TBCE: variants seen among roughly 807,000 people sequenced by gnomAD.
TBCE encodes tubulin folding cofactor E.
A neutral mutation model predicts 77.0 loss-of-function variants in TBCE; 53 were observed. The observed-to-expected ratio is 0.69, with a 90% CI of 0.55 to 0.87. The LOEUF is 0.87. Ranked by LOEUF, TBCE falls within the 40% of genes least tolerant of loss-of-function variation. The probability of loss-of-function intolerance (pLI) is 0.00; values close to 1 mark genes in which losing one functional copy is unlikely to be tolerated. For missense variants in TBCE, 624 were observed against 622.4 expected (o/e 1.00, Z -0.03); for synonymous variants, 235 against 241.3 (o/e 0.97, Z 0.24).
chr1:235,434,096 G>A, intron 7 of TBCE, 108 bp from the exon 8 acceptor site: 1 of 973,548 alleles, frequency 1.0e-6, no homozygotes, highest in South Asian at 1.3e-5. Context: ...TGAGGCACTT[G>A]TTTGCTGAAA....
At chr1:235,396,063 C>CA (rs1553333399) in intron 2 of TBCE, among the ~76,000 whole-genome samples, 2 of 150,646 alleles carry the variant, frequency 1.3e-5, no homozygotes, top group Non-Finnish European at 3.0e-5. Flanking sequence ...TTTTCTTTTT[C>CA]TTTTTTTTTC....
In TBCE at chr1:235,386,704, A is replaced by G. The variant is rs1422244034; in HGVS notation, c.100+6555A>G. 1.3e-5 allele frequency among the ~76,000 whole-genome samples: 2 copies of G among 150,212 alleles called. 1 individual carries two copies. The highest frequency in any genetic ancestry group is 6.4e-3 in the Middle Eastern group (2 of 314). On this transcript the variant is annotated intron_variant, in intron 2 of 16. Coordinates refer to ENST00000642610, the MANE Select transcript of TBCE (RefSeq NM_003193.5). ...TTATTCTAGTTATACATTCGTCTAAATTTTTTTCAAAGTTTTTAACTTCTT... is the reference window on the plus strand; with the variant it reads ...TTATTCTAGTTATACATTCGTCTAAGTTTTTTTCAAAGTTTTTAACTTCTT...
rs748456118 is a variant in TBCE at position 235,419,481 on chromosome 1, G to A, written c.380G>A (p.Ser127Asn). 1.9e-6 allele frequency: 3 copies of A among 1,614,116 alleles called. No homozygotes were observed. The highest frequency in any genetic ancestry group is 1.6e-4 in the Middle Eastern group (1 of 6,062). ...DSIMKQQSQL[S>N]KLQEVSLRNC... is the part of the protein sequence containing the mutation. Reference sequence around the variant, plus strand: ...CTCTGTTTTTCATGCAGTCAGCTGAGCAAGTTGCAAGAAGTTTCTCTGAGG... The same window carrying A: ...CTCTGTTTTTCATGCAGTCAGCTGAACAAGTTGCAAGAAGTTTCTCTGAGG... Residue 127 changes from serine to asparagine, a missense_variant, in exon 5 of 17, where the codon AGC becomes AAC. Coordinates refer to ENST00000642610, the MANE Select transcript of TBCE (RefSeq NM_003193.5).
intron 5 of TBCE, among the ~76,000 whole-genome samples, chr1:235,425,295 C>T (rs1475806245): frequency 6.6e-6 from 1 of 152,134 alleles, no homozygotes; most frequent in Non-Finnish European, 1.5e-5. Context: ...CTCCCTTTCT[C>T]CCATGCCCCA....
rs143979836 is a variant in TBCE at position 235,396,954 on chromosome 1, G to GTTTATTTATTTATTTA, written c.101-4533_101-4518dup. Among the ~76,000 whole-genome samples the GTTTATTTATTTATTTA allele has an allele frequency of 9.8e-4, 145 of 148,458 alleles. 1 individual carries two copies. Among genetic ancestry groups the GTTTATTTATTTATTTA allele is most frequent in the African/African-American group, 3.5e-3 (140 of 40,420 alleles). The stretch of plus-strand genomic sequence containing the variant: ...GAGTTGTCTCTTCACTTTGTTGATT[G>GTTTATTTATTTATTTA]TTTATTTATTTATTTATTTATTTAT... On this transcript the variant is annotated intron_variant, in intron 2 of 16. Coordinates refer to ENST00000642610, the MANE Select transcript of TBCE (RefSeq NM_003193.5).
At chr1:235,408,173 A>G (rs1572379192) in intron 3 of TBCE, among the ~76,000 whole-genome samples, 1 of 152,236 alleles carries the variant, frequency 6.6e-6, no homozygotes, top group South Asian at 2.1e-4. Context: ...CTAGCAATAA[A>G]GGATAAGTGT....
chr1:235,395,937 T>C (rs2102846140), intron 2 of TBCE, among the ~76,000 whole-genome samples: 1 of 152,320 alleles, frequency 6.6e-6, no homozygotes, highest in African/African-American at 2.4e-5. Context: ...CTTTCTGTGC[T>C]TGACTTATTT....
intron 3 of TBCE, 127 bp downstream of exon 3, chr1:235,401,714 C>A: frequency 1.2e-6 from 1 of 803,572 alleles, no homozygotes; most frequent in Non-Finnish European, 2.1e-6. Context: ...TTGTTGTATT[C>A]CAAAAAGGCA....
At chr1:235,433,504 G>C (rs986741284) in intron 7 of TBCE, 2 of 153,886 alleles carry the variant, frequency 1.3e-5, no homozygotes, top group African/African-American at 4.8e-5. Flanking sequence ...TTACAGGCGT[G>C]TGCAACCATA....
intron 3 of TBCE, among the ~76,000 whole-genome samples, chr1:235,401,826 C>CTTTTTTT (rs11285286): frequency 5.6e-5 from 5 of 88,602 alleles, no homozygotes; most frequent in African/African-American, 1.5e-4. Flanking sequence ...TTTCTTCGTC[C>CTTTTTTT]TTTTTTTTTT....
intron 3 of TBCE, among the ~76,000 whole-genome samples, chr1:235,410,480 C>T (rs1177542378): frequency 6.6e-6 from 1 of 152,086 alleles, no homozygotes; most frequent in African/African-American, 2.4e-5. Flanking sequence ...CCAGAGGTCA[C>T]TCTCATCTCC....
intron 2 of TBCE, among the ~76,000 whole-genome samples, chr1:235,386,809 A>G (rs1572338414): frequency 2.0e-5 from 3 of 152,198 alleles, no homozygotes; most frequent in Non-Finnish European, 4.4e-5. Flanking sequence ...TGTCAAAGTC[A>G]TTCTCTGTCC....
intron 5 of TBCE, 32 bp downstream of exon 5, chr1:235,419,593 A>C (rs777668724): frequency 3.0e-5 from 49 of 1,613,292 alleles, no homozygotes; most frequent in Non-Finnish European, 8.5e-6. Context: ...TGTTATTGGA[A>C]TCTGACTATG....
intron 9 of TBCE, 39 bp from the exon 10 acceptor site, chr1:235,436,347 A>G (rs1219396603): frequency 1.3e-6 from 2 of 1,595,952 alleles, no homozygotes; most frequent in Non-Finnish European, 8.6e-7. Flanking sequence ...AGCATTTTAC[A>G]TTGTTCTGTG....
At chr1:235,430,417 G>A (rs1291107745) in intron 6 of TBCE, 3 of 327,718 alleles carry the variant, frequency 9.2e-6, no homozygotes, top group African/African-American at 4.3e-5. Context: ...CCTTGCAAAT[G>A]CCTGAGTTTT....
rs758937799 is a variant in TBCE, at chr1:235,401,544, AAG to A, written c.143_144del (p.Lys48ThrfsTer2). Reference sequence around the variant, plus strand: ...AGAATGGGACAATCCCGAGAGAGGAAAGCATGATGGGAGCCACGAAGGGACTG... The same window carrying A: ...AGAATGGGACAATCCCGAGAGAGGAACATGATGGGAGCCACGAAGGGACTG... ...GVEWDNPERG[K>X]HDGSHEGTVY... On this transcript the variant is annotated frameshift_variant, in exon 3 of 17. Coordinates refer to ENST00000642610, the MANE Select transcript of TBCE (RefSeq NM_003193.5). LOFTEE classifies it high-confidence loss of function. The A allele has an allele frequency of 4.3e-6, 7 of 1,613,976 alleles. No individual in the cohort carries two copies. The East Asian group carries it at 1.6e-4, about 36-fold the overall frequency.
At chr1:235,398,911 C>CT in intron 2 of TBCE, among the ~76,000 whole-genome samples, 1 of 152,028 alleles carries the variant, frequency 6.6e-6, no homozygotes, top group East Asian at 1.9e-4. Context: ...TCCCAAAGTG[C>CT]TGGGATCATG....
intron 2 of TBCE, among the ~76,000 whole-genome samples, chr1:235,380,515 A>G (rs1167362510): frequency 1.3e-5 from 2 of 152,136 alleles, no homozygotes; most frequent in Non-Finnish European, 2.9e-5. Context: ...CCACGTGTGT[A>G]GGTATCTAAT....
At chr1:235,401,430 A>G (rs1161680407) in intron 2 of TBCE, 73 bp from the exon 3 acceptor site, 1 of 1,319,116 alleles carries the variant, frequency 7.6e-7, no homozygotes, top group Non-Finnish European at 1.1e-6. Flanking sequence ...GCAAATTGGT[A>G]TTTGCTTGCA....
Sources: gnomAD v4.1 joint callset for allele counts (sites outside exome capture counted in the v4.1 genomes callset) on GRCh38, gnomAD v4.1.1 for gene constraint, MANE v1.5 for transcripts, NCBI Gene and HGNC (gene_info 2026-07-23, HGNC 2026-07-21) for gene names.